The following RBFOX2 variants were observed in gnomAD, a reference collection of about 807,000 sequenced individuals.
RBFOX2 encodes RNA binding fox-1 homolog 2.
In RBFOX2, 10 loss-of-function variants were observed where a neutral mutation model predicts 49.1. That is an observed-to-expected ratio of 0.20 (90% CI 0.13 to 0.35). The LOEUF (loss-of-function observed/expected upper bound fraction) is 0.35, where lower values mean the gene tolerates loss of function less well. Ranked by LOEUF, RBFOX2 falls within the 10% of genes least tolerant of loss-of-function variation. RBFOX2 has a pLI of 1.00. For synonymous variants in RBFOX2, 183 were observed against 187.4 expected (o/e 0.98, Z 0.19); for missense variants, 323 against 486.9 (o/e 0.66, Z 3.17).
intron 1 of RBFOX2, among the ~76,000 whole-genome samples, chr22:35,921,562 G>A (rs1445571367): frequency 2.0e-5 from 3 of 152,172 alleles, no homozygotes; most frequent in Non-Finnish European, 1.5e-5. Context: ...AAGTATTTCA[G>A]GAATACATGC....
intron 1 of RBFOX2, among the ~76,000 whole-genome samples, chr22:35,857,627 A>G (rs1031288696): frequency 1.2e-4 from 18 of 152,158 alleles, no homozygotes; most frequent in African/African-American, 4.3e-4. Flanking sequence ...GAAAAGGAGA[A>G]ATAGCCATGG....
intron 1 of RBFOX2, among the ~76,000 whole-genome samples, chr22:35,907,373 C>CA (rs1190919473): frequency 2.0e-5 from 3 of 152,194 alleles, no homozygotes; most frequent in African/African-American, 7.2e-5. Context: ...TTCTTCCTCT[C>CA]AAACTGCTTT....
chr22:35,835,208 A>G (rs541377380), intron 1 of RBFOX2, among the ~76,000 whole-genome samples: 6 of 152,298 alleles, frequency 3.9e-5, no homozygotes, highest in African/African-American at 1.4e-4. Flanking sequence ...GAAAAAAAAG[A>G]GTGAGGAATT....
intron 1 of RBFOX2, among the ~76,000 whole-genome samples, chr22:36,015,008 A>G (rs2058979367): frequency 6.6e-6 from 1 of 152,228 alleles, no homozygotes; most frequent in Admixed American, 6.5e-5. Flanking sequence ...ACAAGCAGCT[A>G]AAGACTTTTA....
At chr22:35,760,120 G>T in intron 8 of RBFOX2, 100 bp from the exon 10 acceptor site, 1 of 1,484,182 alleles carries the variant, frequency 6.7e-7, no homozygotes, top group African/African-American at 1.4e-5. Flanking sequence ...AAGATGGAAA[G>T]ATACGAACCA....
intron 1 of RBFOX2, among the ~76,000 whole-genome samples, chr22:35,880,088 G>T (rs1451634104): frequency 6.6e-6 from 1 of 152,150 alleles, no homozygotes; most frequent in Admixed American, 6.5e-5. Context: ...CCTGAGAGGC[G>T]GAGGTTGCAG....
chr22:36,018,080 G>C (rs1346666907), intron 1 of RBFOX2, among the ~76,000 whole-genome samples: 1 of 152,230 alleles, frequency 6.6e-6, no homozygotes, highest in African/African-American at 2.4e-5. Context: ...GGCCCCAACT[G>C]AGAAGCAGGA....
chr22:36,008,582 C>T (rs968749253), intron 1 of RBFOX2, among the ~76,000 whole-genome samples: 2 of 152,064 alleles, frequency 1.3e-5, no homozygotes, highest in African/African-American at 2.4e-5. Flanking sequence ...TTTGGGAGCC[C>T]GAAGTAGGTG....
chr22:35,873,429 T>C (rs1349156532), intron 1 of RBFOX2, among the ~76,000 whole-genome samples: 1 of 151,842 alleles, frequency 6.6e-6, no homozygotes, highest in Non-Finnish European at 1.5e-5. Context: ...CCTGAATGGG[T>C]TGTTTCTTAA....
At chr22:35,758,818 T>TATGAATGA (rs142332120) in intron 9 of RBFOX2, among the ~76,000 whole-genome samples, 23 of 152,038 alleles carry the variant, frequency 1.5e-4, no homozygotes, top group African/African-American at 5.6e-4. Context: ...CCATTTGGTC[T>TATGAATGA]ATGAATGAAT....
intron 11 of RBFOX2, 104 bp from the exon 14 acceptor site, chr22:35,744,353 GCC>G: frequency 1.9e-6 from 2 of 1,079,274 alleles, no homozygotes; most frequent in Non-Finnish European, 2.6e-6. Context: ...CTGCTTCGAA[GCC>G]TCAAAGCAAC....
At chr22:35,982,374 C>T (rs890175054) in intron 1 of RBFOX2, among the ~76,000 whole-genome samples, 9 of 152,176 alleles carry the variant, frequency 5.9e-5, no homozygotes, top group Non-Finnish European at 7.4e-5. Context: ...GACCCTCCTC[C>T]CCCCATCTCC....
chr22:36,012,317 G>C (rs2058851481), intron 1 of RBFOX2, among the ~76,000 whole-genome samples: 1 of 152,144 alleles, frequency 6.6e-6, no homozygotes, highest in Admixed American at 6.6e-5. Context: ...CATCAGCTTT[G>C]CCACTTCCTA....
chr22:35,929,235 A>G (rs2052059510), intron 1 of RBFOX2, among the ~76,000 whole-genome samples: 1 of 152,012 alleles, frequency 6.6e-6, no homozygotes. Context: ...CACCCACCTC[A>G]GCCTCCCAAA....
At chr22:35,787,354 G>A (rs1946634026) in intron 2 of RBFOX2, among the ~76,000 whole-genome samples, 1 of 151,980 alleles carries the variant, frequency 6.6e-6, no homozygotes. Flanking sequence ...TATACCTTGA[G>A]GAAAGAGAAA....
At chr22:35,852,344 C>T (rs2042036330) in intron 1 of RBFOX2, among the ~76,000 whole-genome samples, 1 of 151,974 alleles carries the variant, frequency 6.6e-6, no homozygotes, top group Non-Finnish European at 1.5e-5. Context: ...TAACAGTCTC[C>T]TGTATAGGTA....
At chr22:35,779,822 A>T (rs975641851) in intron 3 of RBFOX2, among the ~76,000 whole-genome samples, 1 of 152,176 alleles carries the variant, frequency 6.6e-6, no homozygotes, top group African/African-American at 2.4e-5. Context: ...GTAAGGAAAA[A>T]ATTATTTCTT....
At chr22:35,853,087 A>G (rs1016020948) in intron 1 of RBFOX2, among the ~76,000 whole-genome samples, 2 of 152,132 alleles carry the variant, frequency 1.3e-5, no homozygotes, top group African/African-American at 4.8e-5. Context: ...TAAGGTCAGG[A>G]GTTTGAGACC....
rs941137270 is a variant in RBFOX2, at chr22:35,804,531, C to T, written c.252+5249G>A. 1.2e-4 allele frequency among the ~76,000 whole-genome samples: 18 copies of T among 152,102 alleles called. 1 individual carries two copies. The highest frequency in any genetic ancestry group is 8.5e-4 in the Admixed American group (13 of 15,284). ...AACAACTCATCACCTACAGGGGGAC[C>T]AACACCAGGGTTAACAGCTGACTTC... is the stretch of plus-strand genomic sequence containing the variant. On this transcript the variant is annotated intron_variant, in intron 2 of 11. Transcript: ENST00000405409.
Sources: gnomAD v4.1 joint callset for allele counts (sites outside exome capture counted in the v4.1 genomes callset) on GRCh38, gnomAD v4.1.1 for gene constraint, MANE v1.5 for transcripts, NCBI Gene and HGNC (gene_info 2026-07-23, HGNC 2026-07-21) for gene names.